NOVA1: variants seen among roughly 807,000 people sequenced by gnomAD.
NOVA1 encodes NOVA alternative splicing regulator 1, also known as RNA-binding protein Nova-1.
Under a neutral mutation model 38.0 loss-of-function variants are expected in NOVA1, and 7 were observed. The ratio of observed to expected loss-of-function variants is 0.18; its 90% CI spans 0.10 to 0.35. NOVA1 has a LOEUF of 0.35. Ranked by LOEUF, NOVA1 falls within the 10% of genes least tolerant of loss-of-function variation. The pLI is 1.00. For synonymous variants in NOVA1, 270 were observed against 232.5 expected (o/e 1.16, Z -1.47); for missense variants, 460 against 616.0 (o/e 0.75, Z 2.68).
At chr14:26,465,422 C>T (rs1884032490) in intron 4 of NOVA1, among the ~76,000 whole-genome samples, 2 of 152,180 alleles carry the variant, frequency 1.3e-5, no homozygotes, top group South Asian at 4.1e-4. Flanking sequence ...CCACTCGCCT[C>T]GGCCTCCCAA....
chr14:26,523,290 T>C (rs1889037142), intron 2 of NOVA1, among the ~76,000 whole-genome samples: 1 of 152,244 alleles, frequency 6.6e-6, no homozygotes, highest in African/African-American at 2.4e-5. Context: ...AATGAGTGTG[T>C]AATCTGGTAA....
At chr14:26,474,663 T>C (rs1884837334) in intron 3 of NOVA1, among the ~76,000 whole-genome samples, 2 of 151,978 alleles carry the variant, frequency 1.3e-5, no homozygotes, top group African/African-American at 4.8e-5. Context: ...CCTAAGATAA[T>C]TAAACTTTTG....
chr14:26,461,208 G>A (rs1315939858), intron 4 of NOVA1, among the ~76,000 whole-genome samples: 1 of 152,052 alleles, frequency 6.6e-6, no homozygotes, highest in Non-Finnish European at 1.5e-5. Flanking sequence ...CCATATATGG[G>A]ATGTAAAAAA....
Position 26,564,571 on chromosome 14 carries a change from C to CCAT in NOVA1, c.280+30836_280+30838dup, listed in dbSNP as rs1566541670. 2.6e-5 allele frequency among the ~76,000 whole-genome samples: 4 copies of CCAT among 152,258 alleles called. No individual in the cohort carries two copies. The East Asian group carries it at 7.7e-4, about 29-fold the overall frequency. ...AGTACTGTTAAAGGTTTTACATACA[C>CCAT]CATCACTAGTTACTGCTCCTCGCGA... On this transcript the variant is annotated intron_variant, in intron 2 of 4. Coordinates refer to ENST00000539517, the MANE Select transcript of NOVA1 (RefSeq NM_002515.3).
chr14:26,558,256 A>C (rs968565147), intron 2 of NOVA1, among the ~76,000 whole-genome samples: 6 of 152,184 alleles, frequency 3.9e-5, no homozygotes, highest in Non-Finnish European at 7.4e-5. Context: ...TCAGTTAATA[A>C]GAATATCTCC....
chr14:26,543,592 G>T (rs1487689016), intron 2 of NOVA1, among the ~76,000 whole-genome samples: 1 of 151,896 alleles, frequency 6.6e-6, no homozygotes, highest in Non-Finnish European at 1.5e-5. Context: ...AGACTGGGTA[G>T]AATACCGAAG....
In NOVA1 at chr14:26,518,727, T is replaced by C. The variant is rs569444175; in HGVS notation, c.281-38584A>G. Among the ~76,000 whole-genome samples, 10 of 152,230 alleles carry C rather than the reference T, an allele frequency of 6.6e-5. No homozygotes were observed. The East Asian group carries it at 1.2e-3, about 18-fold the overall frequency. On this transcript the variant is annotated intron_variant, in intron 2 of 4. Transcript: ENST00000539517. ...TAACCATAGTAACCCTATTCTGCAA[T>C]AGAACACCAGAACTTATTCCTCATT...
At chr14:26,518,858 T>C (rs1439889478) in intron 2 of NOVA1, among the ~76,000 whole-genome samples, 1 of 152,084 alleles carries the variant, frequency 6.6e-6, no homozygotes, top group African/African-American at 2.4e-5. Context: ...CTCTAGTTTT[T>C]AAATTGTATT....
intron 2 of NOVA1, among the ~76,000 whole-genome samples, chr14:26,539,388 C>G (rs1252296627): frequency 6.6e-6 from 1 of 152,052 alleles, no homozygotes; most frequent in Non-Finnish European, 1.5e-5. Context: ...ACAGACAAAT[C>G]TGGAAAACAA....
At chr14:26,569,203 T>C (rs1892322382) in intron 2 of NOVA1, among the ~76,000 whole-genome samples, 1 of 152,126 alleles carries the variant, frequency 6.6e-6, no homozygotes, top group African/African-American at 2.4e-5. Flanking sequence ...ATAAGTATTC[T>C]TAACACATTT....
intron 2 of NOVA1, among the ~76,000 whole-genome samples, chr14:26,580,386 CAT>C (rs1456819401): frequency 6.6e-6 from 1 of 151,920 alleles, no homozygotes; most frequent in Non-Finnish European, 1.5e-5. Flanking sequence ...CAAATAAATC[CAT>C]ATGTTTCACA....
At chr14:26,532,180 C>T (rs1889764212) in intron 2 of NOVA1, among the ~76,000 whole-genome samples, 1 of 151,972 alleles carries the variant, frequency 6.6e-6, no homozygotes, top group Admixed American at 6.6e-5. Context: ...TATACCATTC[C>T]TAAGTATTTA....
intron 4 of NOVA1, among the ~76,000 whole-genome samples, chr14:26,450,868 T>G (rs1244900328): frequency 1.3e-5 from 2 of 152,276 alleles, no homozygotes; most frequent in East Asian, 3.9e-4. Flanking sequence ...TAAGCAATTC[T>G]TTTCAAAATG....
At chr14:26,480,826 G>A (rs1008886250) in intron 2 of NOVA1, among the ~76,000 whole-genome samples, 1 of 151,886 alleles carries the variant, frequency 6.6e-6, no homozygotes, top group Admixed American at 6.6e-5. Flanking sequence ...TGTCTTTATT[G>A]ATGATATAAT....
intron 2 of NOVA1, among the ~76,000 whole-genome samples, chr14:26,549,982 C>T (rs1200128366): frequency 2.6e-5 from 4 of 152,172 alleles, no homozygotes; most frequent in Non-Finnish European, 4.4e-5. Flanking sequence ...AAGAGACCTA[C>T]ACAGATGGGC....
At chr14:26,545,167 C>T (rs1478212067) in intron 2 of NOVA1, among the ~76,000 whole-genome samples, 1 of 151,880 alleles carries the variant, frequency 6.6e-6, no homozygotes, top group African/African-American at 2.4e-5. Flanking sequence ...TCTGACTTTA[C>T]ATCTAGTAGA....
chr14:26,566,362 C>A (rs1892136541), intron 2 of NOVA1, among the ~76,000 whole-genome samples: 1 of 151,998 alleles, frequency 6.6e-6, no homozygotes, highest in Non-Finnish European at 1.5e-5. Context: ...TACATATATA[C>A]ATATATACTA....
intron 2 of NOVA1, among the ~76,000 whole-genome samples, chr14:26,536,866 C>T (rs1404035644): frequency 6.6e-6 from 1 of 152,052 alleles, no homozygotes; most frequent in African/African-American, 2.4e-5. Flanking sequence ...TTTTTAAAAG[C>T]ACACAATATC....
intron 4 of NOVA1, among the ~76,000 whole-genome samples, chr14:26,453,164 T>C (rs1882844987): frequency 8.0e-6 from 1 of 125,132 alleles, no homozygotes; most frequent in Non-Finnish European, 1.7e-5. Context: ...ACTGCTTCAA[T>C]TATGTATGTA....
Sources: gnomAD v4.1 joint callset for allele counts (sites outside exome capture counted in the v4.1 genomes callset) on GRCh38, gnomAD v4.1.1 for gene constraint, MANE v1.5 for transcripts, NCBI Gene and HGNC (gene_info 2026-07-23, HGNC 2026-07-21) for gene names.